Variants in CSMD1 observed in about 807,000 individuals in gnomAD.
The protein encoded by CSMD1 is CUB and sushi domain-containing protein 1.
In CSMD1, 213 loss-of-function variants were observed where a neutral mutation model predicts 417.5. The observed-to-expected ratio is 0.51, with a 90% CI of 0.46 to 0.57. CSMD1 has a LOEUF of 0.57. Among genes scored for constraint, CSMD1 ranks in the 20% least tolerant of loss-of-function variants. The pLI, the probability that CSMD1 is intolerant of heterozygous loss-of-function variation, is 0.00. For missense variants in CSMD1, 6,923 were observed against 4,529.7 expected (o/e 1.53, Z -15.17); for synonymous variants, 2,862 against 1,736.8 (o/e 1.65, Z -16.11).
chr8:4,427,190 A>G (rs1253802928), intron 2 of CSMD1, among the ~76,000 whole-genome samples: 3 of 152,148 alleles, frequency 2.0e-5, no homozygotes, highest in African/African-American at 7.2e-5. Context: ...ATGGGTGTGC[A>G]GGGACCATCT....
At chr8:3,170,371 C>A (rs984130915) in intron 37 of CSMD1, among the ~76,000 whole-genome samples, 3 of 152,150 alleles carry the variant, frequency 2.0e-5, no homozygotes, top group African/African-American at 7.2e-5. Flanking sequence ...CCATACCTGG[C>A]TAATTGTTTT....
At chr8:3,943,489 AT>A (rs1811024434) in intron 5 of CSMD1, among the ~76,000 whole-genome samples, 1 of 151,842 alleles carries the variant, frequency 6.6e-6, no homozygotes, top group Admixed American at 6.6e-5. Flanking sequence ...GGGTGCTGAA[AT>A]TAGTGAACAG....
chr8:3,696,020 C>G (rs75165258), intron 7 of CSMD1, among the ~76,000 whole-genome samples: 2,923 of 152,144 alleles, frequency 0.019, 83 homozygotes, highest in African/African-American at 0.063. Context: ...GAAGACCTAC[C>G]ATTTGTATAT....
intron 5 of CSMD1, among the ~76,000 whole-genome samples, chr8:3,851,905 G>T (rs1040083769): frequency 6.6e-6 from 1 of 152,072 alleles, no homozygotes; most frequent in African/African-American, 2.4e-5. Context: ...ATTCTGGCGG[G>T]GTAGAAGTAC....
intron 1 of CSMD1, among the ~76,000 whole-genome samples, chr8:4,650,261 C>T (rs1478220062): frequency 1.4e-5 from 2 of 140,312 alleles, no homozygotes; most frequent in Admixed American, 7.7e-5. Context: ...AGGAGAATGG[C>T]GTGAACCCGG....
rs950167740 is a variant in CSMD1 at position 3,139,709 on chromosome 8, G to C, written c.6241+2756C>G. Among the ~76,000 whole-genome samples the C allele has an allele frequency of 2.0e-5, 3 of 152,222 alleles. No individual in the cohort carries two copies. The South Asian group carries it at 6.2e-4, about 32-fold the overall frequency. On this transcript the variant is annotated intron_variant, in intron 41 of 69. Transcript: ENST00000635120. ...TATAAATAGATATGTACGTGTGTAT[G>C]TGTGTGTGTCGATGTGTGAGAGACA...
At position 3,795,691 on chromosome 8, in the gene CSMD1, A is replaced by C. The variant is rs535609236; in HGVS notation, c.819-41649T>G. ...ATAGATATATATCTATCATGTATAG[A>C]TATAGATATATATCTATCAAGTACA... is the stretch of plus-strand genomic sequence containing the variant. On this transcript the variant is annotated intron_variant, in intron 5 of 69. Coordinates refer to ENST00000635120, the MANE Select transcript of CSMD1 (RefSeq NM_033225.6). Among the ~76,000 whole-genome samples the C allele has an allele frequency of 4.3e-4, 14 of 32,334 alleles. 6 individuals carry two copies. The South Asian group carries it at 5.2e-3, about 12-fold the overall frequency. The allele number at this position is 32,334 out of a possible 152,430, so 21.2% of individuals were successfully genotyped here.
intron 2 of CSMD1, among the ~76,000 whole-genome samples, chr8:4,603,904 G>A (rs1038454384): frequency 1.3e-5 from 2 of 151,740 alleles, no homozygotes; most frequent in South Asian, 2.1e-4. Flanking sequence ...TATTACTCTG[G>A]GGGATTTGGG....
chr8:4,682,267 G>C (rs1023901138), intron 1 of CSMD1, among the ~76,000 whole-genome samples: 10 of 152,096 alleles, frequency 6.6e-5, no homozygotes, highest in African/African-American at 2.2e-4. Context: ...TGGGGCTAAA[G>C]CAATCCACCT....
At chr8:3,167,916 T>C (rs1313227555) in intron 37 of CSMD1, among the ~76,000 whole-genome samples, 1 of 152,174 alleles carries the variant, frequency 6.6e-6, no homozygotes, top group Non-Finnish European at 1.5e-5. Flanking sequence ...GAACACATGA[T>C]AAACATGCAA....
chr8:4,158,648 G>C (rs531619797), intron 3 of CSMD1, among the ~76,000 whole-genome samples: 1 of 152,258 alleles, frequency 6.6e-6, no homozygotes, highest in South Asian at 2.1e-4. Context: ...GCTGGTGGTA[G>C]TGGAAGATCA....
rs74790384 is a variant in CSMD1, at chr8:4,290,390, G to C, written c.415+129563C>G. ...GGAGAGAAGCCCAAAGACGTAGGAA[G>C]TGGTAAACACAGATCAGAAAGGTCT... is the stretch of plus-strand genomic sequence containing the variant. On this transcript the variant is annotated intron_variant, in intron 3 of 69. Transcript: ENST00000635120. Among the ~76,000 whole-genome samples, 97 of 152,318 alleles carry C rather than the reference G, an allele frequency of 6.4e-4. 1 individual carries two copies. The East Asian group carries it at 0.018, about 28-fold the overall frequency.
intron 15 of CSMD1, among the ~76,000 whole-genome samples, chr8:3,402,015 AATACACACACACAC>A (rs2116879885): frequency 6.6e-6 from 1 of 152,196 alleles, no homozygotes; most frequent in East Asian, 1.9e-4. Context: ...GTATTTCTAA[AATACACACACACAC>A]ATACACCCCT....
intron 25 of CSMD1, among the ~76,000 whole-genome samples, chr8:3,285,280 A>G (rs1024067604): frequency 6.6e-6 from 1 of 152,182 alleles, no homozygotes; most frequent in African/African-American, 2.4e-5. Context: ...AAGGTATGGA[A>G]TGTGTGGTGT....
intron 3 of CSMD1, among the ~76,000 whole-genome samples, chr8:4,244,695 TC>T (rs777277200): frequency 6.6e-6 from 1 of 152,114 alleles, no homozygotes; most frequent in Non-Finnish European, 1.5e-5. Context: ...CACACATCAT[TC>T]CTCTATGTCT....
chr8:3,957,628 G>A (rs571521633), intron 5 of CSMD1, among the ~76,000 whole-genome samples: 3 of 151,818 alleles, frequency 2.0e-5, no homozygotes, highest in African/African-American at 7.3e-5. Flanking sequence ...GGGTTGCAGT[G>A]AACTATAGTC....
Position 4,685,445 on chromosome 8 carries a change from C to T in CSMD1, c.86-47887G>A, listed in dbSNP as rs966578434. 5.9e-5 allele frequency among the ~76,000 whole-genome samples: 9 copies of T among 152,152 alleles called. No individual in the cohort carries two copies. The South Asian group carries it at 6.2e-4, about 11-fold the overall frequency. Reference sequence around the variant, plus strand: ...AAAATACTAGCTGAGTGTGGTGGCACGTGCCTGTAATCCCAGCTACCCGGG... The same window carrying T: ...AAAATACTAGCTGAGTGTGGTGGCATGTGCCTGTAATCCCAGCTACCCGGG... On this transcript the variant is annotated intron_variant, in intron 1 of 69. Transcript: ENST00000635120.
At chr8:4,316,920 A>G (rs947714273) in intron 3 of CSMD1, among the ~76,000 whole-genome samples, 2 of 151,038 alleles carry the variant, frequency 1.3e-5, no homozygotes, top group African/African-American at 2.4e-5. Context: ...TAGAAAAGCC[A>G]GGTACTGAAT....
Position 4,209,311 on chromosome 8 carries a change from T to C in CSMD1, c.416-177212A>G, listed in dbSNP as rs550847608. Among the ~76,000 whole-genome samples the C allele has an allele frequency of 5.4e-4, 83 of 152,294 alleles. 1 individual carries two copies. In the South Asian group the frequency reaches 0.012, roughly 23 times the overall value. On this transcript the variant is annotated intron_variant, in intron 3 of 69. Transcript: ENST00000635120. ...AGCTTGCTCTTCAGTGGTTCCCATC[T>C]ATGAGACATCTTCCCTCAAACTCAC...
Sources: allele counts gnomAD v4.1 joint callset (sites outside exome capture counted in the v4.1 genomes callset), GRCh38; gene constraint gnomAD v4.1.1; transcripts MANE v1.5; gene names NCBI Gene and HGNC (gene_info 2026-07-23, HGNC 2026-07-21).